Variants in TTLL11 observed in about 807,000 individuals in gnomAD.
The protein encoded by TTLL11 is tubulin polyglutamylase TTLL11.
TTLL11 carries 42 observed loss-of-function variants against 51.7 expected under a neutral mutation model. The ratio of observed to expected loss-of-function variants is 0.81; its 90% CI spans 0.64 to 1.05. TTLL11 has a LOEUF of 1.05. TTLL11 is among the 50% of genes least tolerant of loss of function. TTLL11 has a pLI of 0.00. For synonymous variants in TTLL11, 381 were observed against 383.5 expected, an observed-to-expected ratio of 0.99 and a Z score of 0.08; for missense variants, 799 against 940.4, an observed-to-expected ratio of 0.85 and a Z score of 1.97.
intron 6 of TTLL11, among the ~76,000 whole-genome samples, chr9:121,913,135 T>C (rs911501759): frequency 6.6e-6 from 1 of 152,338 alleles, no homozygotes; most frequent in South Asian, 2.1e-4. Context: ...CTCCCGATGA[T>C]TTCTTATCCA....
chr9:121,940,756 A>G (rs1841425740), intron 6 of TTLL11, among the ~76,000 whole-genome samples: 1 of 152,240 alleles, frequency 6.6e-6, no homozygotes, highest in African/African-American at 2.4e-5. Flanking sequence ...AGCTCACTGC[A>G]TGGTAGAGAG....
At chr9:122,065,502 CACT>C (rs1188061461) in intron 1 of TTLL11, among the ~76,000 whole-genome samples, 1 of 152,202 alleles carries the variant, frequency 6.6e-6, no homozygotes, top group Non-Finnish European at 1.5e-5. Flanking sequence ...CTCAGTAACA[CACT>C]ACTAATTTCC....
chr9:121,897,667 C>T (rs1039055948), intron 6 of TTLL11, among the ~76,000 whole-genome samples: 8 of 151,560 alleles, frequency 5.3e-5, no homozygotes, highest in African/African-American at 7.3e-5. Flanking sequence ...CCAACTGCCC[C>T]GGGAGGGTGT....
At chr9:121,827,262 A>T (rs1422605021) in intron 8 of TTLL11, among the ~76,000 whole-genome samples, 1 of 152,100 alleles carries the variant, frequency 6.6e-6, no homozygotes, top group Non-Finnish European at 1.5e-5. Flanking sequence ...AGGTCAGGTG[A>T]ATGGTGGCTT....
chr9:121,973,173 C>G (rs377222306), intron 6 of TTLL11, among the ~76,000 whole-genome samples: 430 of 152,212 alleles, frequency 2.8e-3, no homozygotes, highest in Non-Finnish European at 4.6e-3. Flanking sequence ...GGAGGGAGGG[C>G]GAAGCACATA....
chr9:121,929,941 G>A (rs932577428), intron 6 of TTLL11, among the ~76,000 whole-genome samples: 1 of 152,232 alleles, frequency 6.6e-6, no homozygotes, highest in Non-Finnish European at 1.5e-5. Context: ...CTGCTAAGAA[G>A]ACAAATATGT....
chr9:121,850,282 C>T (rs1837631223), intron 8 of TTLL11, among the ~76,000 whole-genome samples: 1 of 152,162 alleles, frequency 6.6e-6, no homozygotes, highest in African/African-American at 2.4e-5. Context: ...AGAAGTCCCA[C>T]ATACAACAGA....
chr9:121,981,623 G>T (rs189399001), intron 4 of TTLL11, among the ~76,000 whole-genome samples: 40 of 152,266 alleles, frequency 2.6e-4, no homozygotes, highest in Middle Eastern at 3.4e-3. Flanking sequence ...AATGCTGGAC[G>T]TTGCGATATT....
intron 8 of TTLL11, among the ~76,000 whole-genome samples, chr9:121,826,561 A>ATATATATATATATATATGTGTG (rs1564260661): frequency 2.3e-4 from 24 of 103,634 alleles, no homozygotes; most frequent in African/African-American, 1.1e-3. Flanking sequence ...GTGTGTGTAT[A>ATATATATATATATATATGTGTG]TATATATATA....
At chr9:121,954,864 T>G (rs1481933055) in intron 6 of TTLL11, among the ~76,000 whole-genome samples, 6 of 152,254 alleles carry the variant, frequency 3.9e-5, no homozygotes, top group Non-Finnish European at 1.5e-5. Flanking sequence ...TGTATCTCTC[T>G]TTTTAAAGAT....
At chr9:122,014,952 G>A (rs780393052) in intron 3 of TTLL11, among the ~76,000 whole-genome samples, 10 of 152,178 alleles carry the variant, frequency 6.6e-5, no homozygotes, top group African/African-American at 1.2e-4. Context: ...AGCAGGCCTC[G>A]GGAAACGATT....
At chr9:122,028,644 A>G (rs1275731773) in intron 3 of TTLL11, among the ~76,000 whole-genome samples, 2 of 152,214 alleles carry the variant, frequency 1.3e-5, no homozygotes, top group Admixed American at 1.3e-4. Context: ...AAGTAGTAAA[A>G]AAGATGTGAA....
At chr9:121,858,932 A>G (rs1837914204) in intron 8 of TTLL11, among the ~76,000 whole-genome samples, 1 of 152,122 alleles carries the variant, frequency 6.6e-6, no homozygotes, top group Non-Finnish European at 1.5e-5. Flanking sequence ...ACTCCTCACG[A>G]CCCGGTGCCT....
chr9:121,870,479 G>A lies in TTLL11; in HGVS notation c.1733+18C>T, dbSNP rs1486691070. 1.3e-6 allele frequency: 2 copies of A among 1,548,548 alleles called. No individual in the cohort carries two copies. Among genetic ancestry groups the A allele is most frequent in the African/African-American group, 1.4e-5 (1 of 73,088 alleles). On this transcript the variant is annotated intron_variant, in intron 7 of 8. Coordinates refer to ENST00000321582, the MANE Select transcript of TTLL11 (RefSeq NM_001139442.2). ...ACCCAGCCCAAAGCCCAAGCCAGAG[G>A]GGGCTGTTCTCACTGACCTTATGAA...
At position 122,093,301 on chromosome 9, in the gene TTLL11, C is replaced by T; in HGVS notation, c.-153G>A. 3 of 1,575,264 alleles carry T rather than the reference C, an allele frequency of 1.9e-6. No individual in the cohort carries two copies. The highest frequency in any genetic ancestry group is 1.7e-6 in the Non-Finnish European group (2 of 1,169,346). On this transcript the variant is annotated 5_prime_UTR_variant, in exon 1 of 9. Coordinates refer to ENST00000321582, the MANE Select transcript of TTLL11 (RefSeq NM_001139442.2). ...TGATCGCTCAGGCTCGGGTTGACAGCGGCAGTCACCGCATCGAGACGGGGT... is the reference window on the plus strand; with the variant it reads ...TGATCGCTCAGGCTCGGGTTGACAGTGGCAGTCACCGCATCGAGACGGGGT...
At chr9:121,908,252 G>A (rs563206144) in intron 6 of TTLL11, among the ~76,000 whole-genome samples, 1 of 152,280 alleles carries the variant, frequency 6.6e-6, no homozygotes, top group East Asian at 1.9e-4. Flanking sequence ...CATTCCCCTG[G>A]AACAATCTCA....
intron 3 of TTLL11, among the ~76,000 whole-genome samples, chr9:122,030,606 C>G (rs1844507370): frequency 1.3e-5 from 2 of 151,972 alleles, no homozygotes; most frequent in South Asian, 2.1e-4. Context: ...ACCAGCCTCA[C>G]AAGATTGCTA....
At chr9:122,050,593 G>GC (rs1416586184) in intron 1 of TTLL11, among the ~76,000 whole-genome samples, 1 of 152,086 alleles carries the variant, frequency 6.6e-6, no homozygotes, top group East Asian at 1.9e-4. Flanking sequence ...AGTGATCCCT[G>GC]CCTCCTGGAA....
chr9:121,848,986 C>T (rs118118962), intron 8 of TTLL11, among the ~76,000 whole-genome samples: 1 of 152,152 alleles, frequency 6.6e-6, no homozygotes. Context: ...TGACACTGCT[C>T]AACTCCAAAA....
Sources: allele counts gnomAD v4.1 joint callset (sites outside exome capture counted in the v4.1 genomes callset), GRCh38; gene constraint gnomAD v4.1.1; transcripts MANE v1.5; gene names NCBI Gene and HGNC (gene_info 2026-07-23, HGNC 2026-07-21).